PRRC2B: variants seen among roughly 807,000 people sequenced by gnomAD.
PRRC2B encodes protein PRRC2B.
A neutral mutation model predicts 242.3 loss-of-function variants in PRRC2B; 68 were observed. The observed-to-expected ratio is 0.28, with a 90% CI of 0.23 to 0.34. The LOEUF (loss-of-function observed/expected upper bound fraction) is 0.34, where lower values mean the gene tolerates loss of function less well. PRRC2B is among the 10% of genes least tolerant of loss of function. The probability of loss-of-function intolerance (pLI) is 1.00; values close to 1 mark genes in which losing one functional copy is unlikely to be tolerated. For synonymous variants in PRRC2B, 1,228 were observed against 1,173.6 expected (o/e 1.05, Z -0.95); for missense variants, 2,835 against 2,954.8 (o/e 0.96, Z 0.94).
At chr9:131,399,790 T>G (rs1321056749) in intron 1 of PRRC2B, among the ~76,000 whole-genome samples, 1 of 152,218 alleles carries the variant, frequency 6.6e-6, no homozygotes, top group Non-Finnish European at 1.5e-5. Flanking sequence ...AGTGTATTCC[T>G]CTACGTTATT....
At chr9:131,401,993 CAG>C (rs1418958451) in intron 1 of PRRC2B, among the ~76,000 whole-genome samples, 2 of 148,558 alleles carry the variant, frequency 1.3e-5, no homozygotes, top group African/African-American at 5.0e-5. Flanking sequence ...ATTTTTGAGA[CAG>C]AGTCTCGTTA....
chr9:131,480,082 A>G (rs769050816), intron 19 of PRRC2B, among the ~76,000 whole-genome samples: 1 of 152,176 alleles, frequency 6.6e-6, no homozygotes, highest in Non-Finnish European at 1.5e-5. Flanking sequence ...TGGACATTCG[A>G]TATTTCACAG....
intron 3 of PRRC2B, among the ~76,000 whole-genome samples, chr9:131,436,187 A>C (rs1025606994): frequency 6.6e-6 from 1 of 152,152 alleles, no homozygotes; most frequent in Non-Finnish European, 1.5e-5. Flanking sequence ...CTCTACAAGA[A>C]GGCAGAAAAG....
Position 131,474,446 on chromosome 9 carries a change from CT to C in PRRC2B, c.2325-4del. 1 of 1,595,880 alleles carries C rather than the reference CT, an allele frequency of 6.3e-7. No individual in the cohort carries two copies. The highest frequency in any genetic ancestry group is 8.6e-7 in the Non-Finnish European group (1 of 1,169,348). On this transcript the variant is annotated splice_region_variant and splice_polypyrimidine_tract_variant and intron_variant, in intron 15 of 31. Coordinates refer to ENST00000683519, the MANE Select transcript of PRRC2B (RefSeq NM_013318.4). ...TCGCATTGACTGATTTTTCTGGTTCCTTTTCAGGAATGAAAGCTCTTTCTCT... is the reference window on the plus strand; with the variant it reads ...TCGCATTGACTGATTTTTCTGGTTCCTTTCAGGAATGAAAGCTCTTTCTCT...
At position 131,467,662 on chromosome 9, in the gene PRRC2B, A is replaced by C; in HGVS notation, c.1820A>C (p.Glu607Ala). The C allele has an allele frequency of 6.2e-7, 1 of 1,614,006 alleles. No homozygotes were observed. Among genetic ancestry groups the C allele is most frequent in the Non-Finnish European group, 8.5e-7 (1 of 1,179,892 alleles). The change falls in exon 13 of 32, where the codon GAG becomes GCG. Residue 607 changes from glutamate (E) to alanine (A), a missense_variant. Glu to Ala is a moderately radical substitution (Grantham distance 107). This residue lies in a region of PRRC2B where 1,536 missense variants were observed against 1,483.1 expected (regional missense o/e 1.04). Coordinates refer to ENST00000683519, the MANE Select transcript of PRRC2B (RefSeq NM_013318.4). ...GCACAGAGCAACAGCAGTGAGGAAG[A>C]GGCCAGAGAGGCTGGGTCCCCTGCA... Reference protein sequence around the residue: ...AVAQSNSSEEEAREAGSPAQE... With the variant: ...AVAQSNSSEEAAREAGSPAQE...
intron 1 of PRRC2B, among the ~76,000 whole-genome samples, chr9:131,399,396 G>A (rs1056658208): frequency 1.3e-5 from 2 of 151,268 alleles, no homozygotes; most frequent in African/African-American, 4.9e-5. Context: ...TGGCTAACAC[G>A]ATGAAACCCC....
At chr9:131,410,664 C>T (rs1837484944) in intron 1 of PRRC2B, among the ~76,000 whole-genome samples, 1 of 152,230 alleles carries the variant, frequency 6.6e-6, no homozygotes, top group Non-Finnish European at 1.5e-5. Flanking sequence ...TAATACCCTT[C>T]TCTGAGTGGT....
chr9:131,400,073 G>A (rs1837187841), intron 1 of PRRC2B, among the ~76,000 whole-genome samples: 1 of 151,976 alleles, frequency 6.6e-6, no homozygotes, highest in East Asian at 1.9e-4. Flanking sequence ...TGAGCCCAAG[G>A]CAGTCTCTTT....
At chr9:131,469,964 C>T (rs1405245948) in intron 13 of PRRC2B, among the ~76,000 whole-genome samples, 1 of 152,146 alleles carries the variant, frequency 6.6e-6, no homozygotes, top group Non-Finnish European at 1.5e-5. Context: ...ACTGGCCATT[C>T]TGTGGGAGCA....
intron 1 of PRRC2B, among the ~76,000 whole-genome samples, chr9:131,380,418 A>G (rs113812439): frequency 0.077 from 11,634 of 151,676 alleles, 534 homozygotes; most frequent in Middle Eastern, 0.15. Context: ...TCTCTACTAA[A>G]AATACAACAA....
intron 28 of PRRC2B, among the ~76,000 whole-genome samples, chr9:131,488,847 C>G (rs888466911): frequency 1.1e-4 from 17 of 152,200 alleles, no homozygotes; most frequent in Admixed American, 7.8e-4. Context: ...TCTTCCTCTC[C>G]GTCAACCTGT....
intron 13 of PRRC2B, among the ~76,000 whole-genome samples, chr9:131,468,233 G>A (rs1286120804): frequency 6.6e-6 from 1 of 152,176 alleles, no homozygotes; most frequent in East Asian, 1.9e-4. Flanking sequence ...ACAGATGTAG[G>A]TTTGCAGGTT....
At chr9:131,485,629 G>T in intron 25 of PRRC2B, 1 of 533,104 alleles carries the variant, frequency 1.9e-6, no homozygotes, top group South Asian at 1.4e-5. Context: ...GTGTCCCCAA[G>T]GGGAAGCGTG....
chr9:131,383,600 C>CT (rs561717754), intron 1 of PRRC2B, among the ~76,000 whole-genome samples: 67,121 of 120,560 alleles, frequency 0.56, 20,765 homozygotes, highest in East Asian at 0.88. Flanking sequence ...TTTGGTTTCT[C>CT]TTTTTTTTTT....
intron 1 of PRRC2B, among the ~76,000 whole-genome samples, chr9:131,420,508 T>TCTTTCTTTCTTTCTCTCTTTCTTTCTTTC (rs1837807733): frequency 7.7e-6 from 1 of 129,504 alleles, no homozygotes; most frequent in African/African-American, 2.9e-5. Context: ...TTTTTTTTTT[T>TCTTTCTTTCTTTCTCTCTTTCTTTCTTTC]TTGAGATGGA....
At chr9:131,401,410 G>A (rs1255357649) in intron 1 of PRRC2B, among the ~76,000 whole-genome samples, 2 of 148,120 alleles carry the variant, frequency 1.4e-5, no homozygotes, top group Non-Finnish European at 3.0e-5. Flanking sequence ...TTGAGATAGG[G>A]TCTCACTGTC....
Position 131,447,699 on chromosome 9 carries a change from C to T in PRRC2B, c.1015C>T (p.Pro339Ser), listed in dbSNP as rs757074349. 6.2e-7 allele frequency: 1 copy of T among 1,612,204 alleles called. No homozygotes were observed. The highest frequency in any genetic ancestry group is 1.1e-5 in the South Asian group (1 of 90,850). The change falls in exon 9 of 32, where the codon CCA becomes TCA. Residue 339 changes from proline (P) to serine (S), a missense_variant. Pro to Ser is a moderately conservative substitution (Grantham distance 74). Coordinates refer to ENST00000683519, the MANE Select transcript of PRRC2B (RefSeq NM_013318.4). The stretch of plus-strand genomic sequence containing the variant: ...GCTGGGATTGTCTCGCCCACTCCGC[C>T]CACTAAGGCAGCTGGTGGAGCGGGC... ...NRLGLSRPLR[P>S]LRQLVERAPR...
chr9:131,482,662 G>T lies in PRRC2B; in HGVS notation c.5176-48G>T, dbSNP rs1030389391. On this transcript the variant is annotated intron_variant, in intron 21 of 31. Transcript: ENST00000683519. The surrounding 1 kb of genome is among the most constrained non-coding windows in gnomAD (Gnocchi z 5.2). The stretch of plus-strand genomic sequence containing the variant: ...CCTGGGACAGTAGAAGCTAGAGAGT[G>T]TGGTCATTCCAGTCTGTGTGTCTCC... The T allele has an allele frequency of 1.3e-6, 2 of 1,520,972 alleles. No homozygotes were observed. The highest frequency in any genetic ancestry group is 2.2e-5 in the Admixed American group (1 of 46,260). 94.2% of individuals were successfully genotyped at this position (1,520,972 alleles called of 1,614,324 possible).
rs945704600 is a variant in PRRC2B at position 131,441,292 on chromosome 9, G to C, written c.469+2231G>C. Among the ~76,000 whole-genome samples the C allele has an allele frequency of 7.2e-5, 11 of 152,152 alleles. No homozygotes were observed. In the East Asian group the frequency reaches 7.7e-4, roughly 11 times the overall value. On this transcript the variant is annotated intron_variant, in intron 5 of 31. Coordinates refer to ENST00000683519, the MANE Select transcript of PRRC2B (RefSeq NM_013318.4). ...AAATGGGCATAGGGGTGAGAGGAAG[G>C]CTTCTGTGTCTACCTTTACATGGTG...
Sources: allele counts gnomAD v4.1 joint callset (sites outside exome capture counted in the v4.1 genomes callset), GRCh38; gene constraint gnomAD v4.1.1; regional missense constraint gnomAD v4.1.1; non-coding constraint Gnocchi (gnomAD v3.1); transcripts MANE v1.5; gene names NCBI Gene and HGNC (gene_info 2026-07-23, HGNC 2026-07-21).